Variants in NOTCH3 observed in about 807,000 individuals in gnomAD.
The protein encoded by NOTCH3 is neurogenic locus notch homolog protein 3.
In NOTCH3, 86 loss-of-function variants were observed where a neutral mutation model predicts 213.3. That is an observed-to-expected ratio of 0.40 (90% CI 0.34 to 0.48). The LOEUF (loss-of-function observed/expected upper bound fraction) is 0.48. NOTCH3 is among the 20% of genes least tolerant of loss of function. The probability of loss-of-function intolerance (pLI) is 0.57; values close to 1 mark genes in which losing one functional copy is unlikely to be tolerated. For missense variants in NOTCH3, 2,783 were observed against 3,272.6 expected (o/e 0.85, Z 3.65); for synonymous variants, 1,354 against 1,355.9 (o/e 1.00, Z 0.03).
rs56343808 is a variant in NOTCH3, at chr19:15,167,562, A to ATTTG, written c.5200-155_5200-152dup. 0.88 allele frequency: 623,182 copies of ATTTG among 705,736 alleles called. 277,095 individuals are homozygous for ATTTG. Among genetic ancestry groups the ATTTG allele is most frequent in the African/African-American group, 0.98 (55,704 of 57,060 alleles). The allele number at this position is 705,736 out of a possible 1,614,324, so 43.7% of individuals were successfully genotyped here. A position where few individuals can be genotyped will look rare whatever the true frequency, so the allele number is the denominator to read the frequency against. Reference sequence around the variant, plus strand: ...TCATTTACCATCTGTTTGGTGTTTTATTTGTTTTTGAGACAGAGTCTCGCT... The same window carrying ATTTG: ...TCATTTACCATCTGTTTGGTGTTTTATTTGTTTGTTTTTGAGACAGAGTCTCGCT... On this transcript the variant is annotated intron_variant, in intron 28 of 32. Transcript: ENST00000263388.
intron 25 of NOTCH3, among the ~76,000 whole-genome samples, chr19:15,173,748 AAGAAGG>A (rs1193187942): frequency 0.022 from 121 of 5,494 alleles, 1 homozygote; most frequent in Middle Eastern, 0.14. Flanking sequence ...AAAAGAAAAG[AAGAAGG>A]AGAAGGAGAA....
In NOTCH3 at chr19:15,185,177, G is replaced by A. The variant is rs1443957946; in HGVS notation, c.2296+80C>T. ...AAAGCAAAAAAGAAGCTAACATAGC[G>A]GGAGGAGAGAGTAGAGGAGAAGAGA... On this transcript the variant is annotated intron_variant, in intron 14 of 32. Coordinates refer to ENST00000263388, the MANE Select transcript of NOTCH3 (RefSeq NM_000435.3). This position sits in a 1 kb window ranked among gnomAD's most constrained non-coding sequence, Gnocchi z 4.2. 29 of 1,545,002 alleles carry A rather than the reference G, an allele frequency of 1.9e-5. No homozygotes were observed. Among genetic ancestry groups the A allele is most frequent in the East Asian group, 1.8e-4 (8 of 44,176 alleles).
At chr19:15,173,470 G>A (rs530258498) in intron 25 of NOTCH3, among the ~76,000 whole-genome samples, 1 of 139,046 alleles carries the variant, frequency 7.2e-6, no homozygotes, top group East Asian at 2.3e-4. Flanking sequence ...GTCTTGCTAT[G>A]TTGCCCAGGC....
rs1220664144 is a variant in NOTCH3, at chr19:15,183,128, C to T, written c.2566+1167G>A. On this transcript the variant is annotated intron_variant, in intron 16 of 32. Coordinates refer to ENST00000263388, the MANE Select transcript of NOTCH3 (RefSeq NM_000435.3). ...ATATTAGCTAGGCATGTAGTGAGTG[C>T]CTGTAATCCTAGCTACTCAGGAGGT... Among the ~76,000 whole-genome samples the T allele has an allele frequency of 3.9e-5, 6 of 152,106 alleles. No individual in the cohort carries two copies. The East Asian group carries it at 7.7e-4, about 20-fold the overall frequency.
rs935582785 is a variant in NOTCH3 at position 15,198,752 on chromosome 19, CA to C, written c.119-1175del. On this transcript the variant is annotated intron_variant, in intron 1 of 32. Coordinates refer to ENST00000263388, the MANE Select transcript of NOTCH3 (RefSeq NM_000435.3). The stretch of plus-strand genomic sequence containing the variant: ...GGCAACAAGAGCCAAACTCCATCTC[CA>C]AAAAAAAATTAGCTGGGTGTGGTGG... Among the ~76,000 whole-genome samples the C allele has an allele frequency of 3.3e-5, 5 of 150,080 alleles. No individual in the cohort carries two copies. In the East Asian group the frequency reaches 5.9e-4, roughly 18 times the overall value.
In NOTCH3 at chr19:15,181,174, G is replaced by A. The variant is rs200893374; in HGVS notation, c.2793-12C>T. 123 of 1,607,452 alleles carry A rather than the reference G, an allele frequency of 7.7e-5. 1 individual carries two copies. The South Asian group carries it at 1.2e-3, about 16-fold the overall frequency. On this transcript the variant is annotated splice_polypyrimidine_tract_variant and intron_variant, in intron 17 of 32. Coordinates refer to ENST00000263388, the MANE Select transcript of NOTCH3 (RefSeq NM_000435.3). ...CATTGAAGCAGGAGCTGGAGCGGAA[G>A]GAGTGGGAGGGAGGATCAGGCTCCG...
intron 16 of NOTCH3, among the ~76,000 whole-genome samples, chr19:15,182,437 G>A (rs2046848577): frequency 1.3e-5 from 2 of 151,728 alleles, no homozygotes; most frequent in Admixed American, 1.3e-4. Flanking sequence ...AGCCTGGGAG[G>A]TCAAGGCTGC....
At chr19:15,164,554 T>TAAA (rs1568347033) in intron 31 of NOTCH3, among the ~76,000 whole-genome samples, 18,593 of 119,138 alleles carry the variant, frequency 0.16, 3,104 homozygotes, top group Non-Finnish European at 0.23. Context: ...AAAAAAAAAT[T>TAAA]AAAAAAAGGG....
At chr19:15,184,023 C>T (rs2046860798) in intron 16 of NOTCH3, among the ~76,000 whole-genome samples, 1 of 113,866 alleles carries the variant, frequency 8.8e-6, no homozygotes, top group African/African-American at 3.6e-5. Context: ...AGCGACAGAG[C>T]TAAGACTCTG....
intron 2 of NOTCH3, among the ~76,000 whole-genome samples, chr19:15,193,619 A>T (rs1319780023): frequency 6.6e-6 from 1 of 151,764 alleles, no homozygotes; most frequent in African/African-American, 2.4e-5. Flanking sequence ...AAAATTAAAA[A>T]TTATAACCGG....
rs1555728919 is a variant in NOTCH3, at chr19:15,187,952, G to A, written c.1535C>T (p.Ala512Val). ...GGCGCCATTCCTGCAGGGCGTGCTGGCGCATTCGTCCACGTCCAGCTGACA... is the reference window on the plus strand; with the variant it reads ...GGCGCCATTCCTGCAGGGCGTGCTGACGCATTCGTCCACGTCCAGCTGACA... ...STCQLDVDEC[A>V]STPCRNGAKC... Residue 512 changes from alanine to valine, a missense_variant, in exon 10 of 33, where the codon GCC becomes GTC. Ala to Val is a moderately conservative substitution (Grantham distance 64). Coordinates refer to ENST00000263388, the MANE Select transcript of NOTCH3 (RefSeq NM_000435.3). 6.4e-7 allele frequency: 1 copy of A among 1,550,670 alleles called. No individual in the cohort carries two copies. Among genetic ancestry groups the A allele is most frequent in the Non-Finnish European group, 8.7e-7 (1 of 1,146,998 alleles).
chr19:15,169,983 C>T (rs953126614), intron 28 of NOTCH3, 103 bp downstream of exon 28: 9 of 691,888 alleles, frequency 1.3e-5, no homozygotes, highest in Middle Eastern at 3.8e-4. Context: ...GTGGGGACAG[C>T]GGTGCCATCC....
chr19:15,189,339 T>C lies in NOTCH3; in HGVS notation c.1126A>G (p.Ile376Val), dbSNP rs1392159114. Reference sequence around the variant, plus strand: ...GTGAAGCCGGGAGGACAGGTGCAAATGGCCCGGCCGTTCACCGGATTTGTG... The same window carrying C: ...GTGAAGCCGGGAGGACAGGTGCAAACGGCCCGGCCGTTCACCGGATTTGTG... ...CDTNPVNGRA[I>V]CTCPPGFTGG... The change falls in exon 7 of 33, where the codon ATT becomes GTT. Residue 376 changes from isoleucine (I) to valine (V), a missense_variant. By Grantham distance (29) the Ile-to-Val change is conservative. Transcript: ENST00000263388. 4 of 1,613,856 alleles carry C rather than the reference T, an allele frequency of 2.5e-6. No individual in the cohort carries two copies. In the African/African-American group the frequency reaches 4.0e-5, roughly 16 times the overall value.
At chr19:15,193,031 C>A (rs989432285) in intron 2 of NOTCH3, among the ~76,000 whole-genome samples, 4 of 152,134 alleles carry the variant, frequency 2.6e-5, no homozygotes, top group African/African-American at 9.7e-5. Flanking sequence ...GGGTCCCTAT[C>A]CCTCTGGATC....
Position 15,191,993 on chromosome 19 carries a change from C to T in NOTCH3, c.646G>A (p.Gly216Ser). The change falls in exon 4 of 33, where the codon GGC becomes AGC. Residue 216 changes from glycine to serine, a missense_variant. Physicochemically the swap from Gly to Ser is moderately conservative, Grantham distance 56 (BLOSUM62 0). This residue lies in a region of NOTCH3 where 708 missense variants were observed against 906.6 expected (regional missense o/e 0.78). Transcript: ENST00000263388. ...CAGGCACAGTCGTAAGTGAGGTCGC[C>T]ACTCTGCCTGCAGGTGCCCCCGTTA... Reference protein sequence around the residue: ...CRNGGTCRQSGDLTYDCACLP... With the variant: ...CRNGGTCRQSSDLTYDCACLP... 8.1e-6 allele frequency: 13 copies of T among 1,613,482 alleles called. No homozygotes were observed. Among genetic ancestry groups the T allele is most frequent in the Non-Finnish European group, 1.1e-5 (13 of 1,180,040 alleles).
chr19:15,200,061 C>G (rs112428462), intron 1 of NOTCH3, among the ~76,000 whole-genome samples: 3 of 129,756 alleles, frequency 2.3e-5, no homozygotes, highest in Admixed American at 1.5e-4. Context: ...GGGGCGGGGG[C>G]CCCTGGCCGG....
chr19:15,188,198 A>G (rs772638425), intron 9 of NOTCH3, 37 bp downstream of exon 9: 22 of 1,485,546 alleles, frequency 1.5e-5, no homozygotes, highest in Non-Finnish European at 2.0e-5. Flanking sequence ...CCCTTCCCAG[A>G]CATGTCTTTT....
Position 15,161,148 on chromosome 19 carries a change from C to T in NOTCH3, c.6480G>A (p.Leu2160=). The part of the protein sequence containing the change: ...RQPPGGCVLS[L]GLLNPVAVPL... Reference sequence around the variant, plus strand: ...GCACAGCCACAGGGTTCAGCAGGCCCAGGCTGAGTACACATCCTCCAGGGG... The same window carrying T: ...GCACAGCCACAGGGTTCAGCAGGCCTAGGCTGAGTACACATCCTCCAGGGG... Residue 2160 remains leucine, a synonymous_variant, in exon 33 of 33, where the codon CTG becomes CTA. Coordinates refer to ENST00000263388, the MANE Select transcript of NOTCH3 (RefSeq NM_000435.3). The T allele has an allele frequency of 6.5e-7, 1 of 1,539,362 alleles. No homozygotes were observed. The highest frequency in any genetic ancestry group is 8.7e-7 in the Non-Finnish European group (1 of 1,148,646).
Position 15,185,713 on chromosome 19 carries a change from A to G in NOTCH3, c.1952-34T>C, listed in dbSNP as rs1568358528. On this transcript the variant is annotated intron_variant, in intron 12 of 32. Coordinates refer to ENST00000263388, the MANE Select transcript of NOTCH3 (RefSeq NM_000435.3). The surrounding 1 kb of genome is among the most constrained non-coding windows in gnomAD (Gnocchi z 4.2). ...TACACAAGCAATCTCATCTCAGAAC[A>G]AAGTCAGCAGGGACAACCAGGGAGG... The G allele has an allele frequency of 6.2e-7, 1 of 1,609,502 alleles. No homozygotes were observed. The highest frequency in any genetic ancestry group is 2.2e-5 in the East Asian group (1 of 44,882).
Sources: gnomAD v4.1 joint callset for allele counts (sites outside exome capture counted in the v4.1 genomes callset) on GRCh38, gnomAD v4.1.1 for gene constraint, gnomAD v4.1.1 regional missense constraint, Gnocchi (gnomAD v3.1) non-coding constraint, MANE v1.5 for transcripts, NCBI Gene and HGNC (gene_info 2026-07-23, HGNC 2026-07-21) for gene names.